TENM2: variants seen among roughly 807,000 people sequenced by gnomAD.
TENM2 encodes the protein teneurin-2.
TENM2 carries 52 observed loss-of-function variants against 245.2 expected under a neutral mutation model. That is an observed-to-expected ratio of 0.21 (90% CI 0.17 to 0.27). TENM2 has a LOEUF of 0.27. TENM2 is among the 10% of genes least tolerant of loss of function. TENM2 has a pLI of 1.00. For missense variants in TENM2, 3,046 were observed against 3,666.8 expected (o/e 0.83, Z 4.37); for synonymous variants, 1,363 against 1,438.9 (o/e 0.95, Z 1.19).
At chr5:167,406,506 C>T (rs1487251921) in intron 2 of TENM2, among the ~76,000 whole-genome samples, 4 of 152,060 alleles carry the variant, frequency 2.6e-5, no homozygotes, top group Non-Finnish European at 1.5e-5. Flanking sequence ...AGAAAATCAC[C>T]AGCTTTACTT....
chr5:167,950,670 A>G (rs569934730), intron 3 of TENM2, among the ~76,000 whole-genome samples: 4 of 152,276 alleles, frequency 2.6e-5, no homozygotes, highest in Admixed American at 1.3e-4. Flanking sequence ...AGGGGCTTGG[A>G]TAGCATCCCT....
At chr5:167,344,320 A>ATATG (rs1310955714) in intron 1 of TENM2, among the ~76,000 whole-genome samples, 1 of 144,536 alleles carries the variant, frequency 6.9e-6, no homozygotes, top group Non-Finnish European at 1.5e-5. Flanking sequence ...ATATATATAT[A>ATATG]TATATATATA....
At chr5:167,417,605 G>C (rs1763236705) in intron 2 of TENM2, among the ~76,000 whole-genome samples, 1 of 152,138 alleles carries the variant, frequency 6.6e-6, no homozygotes, top group African/African-American at 2.4e-5. Context: ...ACTGTGCTAA[G>C]TGCTTTCCAT....
chr5:168,067,551 C>T (rs1790616445), intron 7 of TENM2, among the ~76,000 whole-genome samples: 1 of 152,144 alleles, frequency 6.6e-6, no homozygotes, highest in Non-Finnish European at 1.5e-5. Flanking sequence ...TTAGTCTTTG[C>T]CAGTTCAGGT....
intron 3 of TENM2, 128 bp downstream of exon 5, chr5:167,876,323 A>G: frequency 2.7e-6 from 2 of 746,096 alleles, no homozygotes; most frequent in Non-Finnish European, 4.5e-6. Flanking sequence ...GGTGAAATGC[A>G]TTTGTCATTT....
chr5:167,618,979 A>G (rs1030467956), intron 2 of TENM2, among the ~76,000 whole-genome samples: 1 of 151,976 alleles, frequency 6.6e-6, no homozygotes, highest in African/African-American at 2.4e-5. Flanking sequence ...TAGAAAGACA[A>G]TTGGGGTGGT....
At position 168,162,765 on chromosome 5, in the gene TENM2, C is replaced by T. The variant is rs370890890; in HGVS notation, c.2569+8C>T. Reference sequence around the variant, plus strand: ...ACAAGGATAATGAGGGAGGTGAGCACGCGTCTTCTCATTCCCAGCCCCTAA... The same window carrying T: ...ACAAGGATAATGAGGGAGGTGAGCATGCGTCTTCTCATTCCCAGCCCCTAA... On this transcript the variant is annotated splice_region_variant and intron_variant, in intron 13 of 28. Coordinates refer to ENST00000518659, the Ensembl canonical transcript of TENM2. 9.3e-6 allele frequency: 15 copies of T among 1,613,388 alleles called. No individual in the cohort carries two copies. In the East Asian group the frequency reaches 1.3e-4, roughly 14 times the overall value.
chr5:167,052,778 T>C, the TENM2 span, among the ~76,000 whole-genome samples: 130 of 152,034 alleles, frequency 8.6e-4, no homozygotes, highest in African/African-American at 2.0e-3. Context: ...TTTTTTTTTT[T>C]CCCCTAAGTA....
At chr5:167,881,502 A>G (rs1374689790) in intron 3 of TENM2, among the ~76,000 whole-genome samples, 1 of 152,218 alleles carries the variant, frequency 6.6e-6, no homozygotes, top group Non-Finnish European at 1.5e-5. Flanking sequence ...GAGTGTCTAT[A>G]GTAACCACCT....
chr5:167,755,457 A>AG (rs1251311276), intron 2 of TENM2, among the ~76,000 whole-genome samples: 2 of 19,886 alleles, frequency 1.0e-4, no homozygotes, highest in Non-Finnish European at 5.1e-4. Flanking sequence ...GTATTTCACC[A>AG]GAAAAAAAAA....
At chr5:167,762,953 T>C (rs983448102) in intron 2 of TENM2, among the ~76,000 whole-genome samples, 4 of 152,326 alleles carry the variant, frequency 2.6e-5, no homozygotes, top group Admixed American at 6.5e-5. Flanking sequence ...TCAGACTTTT[T>C]TTCCCACCCT....
intron 5 of TENM2, among the ~76,000 whole-genome samples, chr5:168,004,202 A>T (rs532608416): frequency 6.6e-6 from 1 of 152,192 alleles, no homozygotes; most frequent in Non-Finnish European, 1.5e-5. Flanking sequence ...TTGTAAAAAA[A>T]TCTACATAAG....
chr5:167,305,069 A>G (rs1392835284), intron 1 of TENM2, among the ~76,000 whole-genome samples: 1 of 152,096 alleles, frequency 6.6e-6, no homozygotes, highest in African/African-American at 2.4e-5. Flanking sequence ...CCTGACCACC[A>G]TACCTCTTTT....
the TENM2 span, among the ~76,000 whole-genome samples, chr5:167,212,235 G>A: frequency 2.0e-5 from 3 of 151,214 alleles, no homozygotes; most frequent in South Asian, 2.1e-4. Flanking sequence ...TCCATAGCTC[G>A]ACAGACCTGC....
chr5:168,093,427 A>G (rs997383147), intron 8 of TENM2, among the ~76,000 whole-genome samples: 12 of 152,232 alleles, frequency 7.9e-5, no homozygotes, highest in African/African-American at 2.9e-4. Context: ...GGAAAAGAAC[A>G]GTGTTTTATT....
intron 9 of TENM2, among the ~76,000 whole-genome samples, chr5:168,105,215 T>G (rs1274311859): frequency 1.3e-5 from 2 of 152,132 alleles, no homozygotes; most frequent in Admixed American, 6.5e-5. Context: ...AGGGACTTAT[T>G]ATACTCACAG....
intron 14 of TENM2, among the ~76,000 whole-genome samples, chr5:168,191,119 G>A (rs144171039): frequency 4.6e-4 from 70 of 152,262 alleles, no homozygotes; most frequent in African/African-American, 1.6e-3. Context: ...GCAAGCCATT[G>A]TGCCACTGCA....
intron 2 of TENM2, among the ~76,000 whole-genome samples, chr5:167,633,436 A>C (rs924180743): frequency 6.6e-6 from 1 of 152,220 alleles, no homozygotes; most frequent in African/African-American, 2.4e-5. Context: ...AACGGAGTGG[A>C]ATTTGGAGAG....
At chr5:167,256,435 A>C in the TENM2 span, among the ~76,000 whole-genome samples, 4 of 152,274 alleles carry the variant, frequency 2.6e-5, no homozygotes, top group Admixed American at 1.3e-4. Flanking sequence ...TTAATGGAGC[A>C]ATTGTGATAG....
Sources: allele counts gnomAD v4.1 joint callset (sites outside exome capture counted in the v4.1 genomes callset), GRCh38; gene constraint gnomAD v4.1.1; transcripts MANE v1.5; gene names NCBI Gene and HGNC (gene_info 2026-07-23, HGNC 2026-07-21).